ANGEL2: variants seen among roughly 807,000 people sequenced by gnomAD.
ANGEL2 encodes the protein angel homolog 2, also known as RNA 2',3'-cyclic phosphatase ANGEL2.
In ANGEL2, 41 loss-of-function variants were observed where a neutral mutation model predicts 66.0. The ratio of observed to expected loss-of-function variants is 0.62; its 90% CI spans 0.48 to 0.81. The LOEUF (loss-of-function observed/expected upper bound fraction) is 0.81. Among genes scored for constraint, ANGEL2 ranks in the 30% least tolerant of loss-of-function variants. ANGEL2 has a pLI of 0.00. For missense variants in ANGEL2, 561 were observed against 641.6 expected (o/e 0.87, Z 1.36); for synonymous variants, 208 against 226.5 (o/e 0.92, Z 0.73).
intron 2 of ANGEL2, among the ~76,000 whole-genome samples, chr1:213,009,467 T>C (rs1016262952): frequency 1.1e-4 from 16 of 152,246 alleles, no homozygotes; most frequent in African/African-American, 3.9e-4. Flanking sequence ...GATTAAATTA[T>C]ATAAAAAATT....
chr1:213,010,342 C>G (rs992991483), intron 2 of ANGEL2, among the ~76,000 whole-genome samples: 1 of 152,046 alleles, frequency 6.6e-6, no homozygotes, highest in African/African-American at 2.4e-5. Flanking sequence ...GAGGCCAAGG[C>G]GGGTGGATCA....
intron 5 of ANGEL2, among the ~76,000 whole-genome samples, chr1:213,004,571 A>G (rs1248431046): frequency 2.6e-5 from 4 of 152,022 alleles, no homozygotes; most frequent in Non-Finnish European, 5.9e-5. Context: ...AAGTGAAAAT[A>G]ATTACTTACT....
At chr1:213,000,500 T>G in intron 6 of ANGEL2, 117 bp from the exon 7 acceptor site, 2 of 914,244 alleles carry the variant, frequency 2.2e-6, no homozygotes, top group South Asian at 3.5e-5. Context: ...CCTAGTTACA[T>G]GTTTCATTCT....
intron 2 of ANGEL2, among the ~76,000 whole-genome samples, chr1:213,009,651 C>A (rs946995194): frequency 4.6e-5 from 7 of 152,198 alleles, no homozygotes; most frequent in African/African-American, 1.7e-4. Context: ...GAGTAGTTAT[C>A]TCTGAGTGTT....
At position 212,994,808 on chromosome 1, in the gene ANGEL2, A is replaced by T. The variant is rs1472278807; in HGVS notation, c.*233T>A. On this transcript the variant is annotated 3_prime_UTR_variant, in exon 9 of 9. Coordinates refer to ENST00000366962, the MANE Select transcript of ANGEL2 (RefSeq NM_144567.5). ...AGGATTTAGAATATAAAACCTTTAC[A>T]TCTCTTTTACAATAAAGAGAATTTA... 1 of 304,464 alleles carries T rather than the reference A, an allele frequency of 3.3e-6. No individual in the cohort carries two copies. Among genetic ancestry groups the T allele is most frequent in the Admixed American group, 4.9e-5 (1 of 20,262 alleles). 18.9% of individuals were successfully genotyped at this position (304,464 alleles called of 1,614,324 possible). A position where few individuals can be genotyped will look rare whatever the true frequency, so the allele number is the denominator to read the frequency against.
At chr1:213,007,715 C>T (rs1298232780) in intron 3 of ANGEL2, among the ~76,000 whole-genome samples, 2 of 152,220 alleles carry the variant, frequency 1.3e-5, no homozygotes, top group Non-Finnish European at 1.5e-5. Context: ...CAACCACTAA[C>T]AAATGCCTCT....
At chr1:213,013,509 G>T in intron 1 of ANGEL2, 91 bp from the exon 2 acceptor site, 2 of 1,198,314 alleles carry the variant, frequency 1.7e-6, no homozygotes, top group South Asian at 1.5e-5. Context: ...GGAAGGTAAT[G>T]TCTAATATTT....
intron 8 of ANGEL2, 49 bp downstream of exon 8, chr1:212,997,106 T>C: frequency 6.6e-7 from 1 of 1,511,944 alleles, no homozygotes; most frequent in East Asian, 2.3e-5. Context: ...CCTTGAGGTT[T>C]TAGCTACTGT....
At chr1:213,015,547 A>ACGCC (rs1429358742) in intron 1 of ANGEL2, 66 bp downstream of exon 1, 7 of 996,594 alleles carry the variant, frequency 7.0e-6, no homozygotes, top group Non-Finnish European at 8.8e-6. Context: ...TTAGTCCCGG[A>ACGCC]CGCCCGCCCG....
intron 2 of ANGEL2, chr1:213,011,177 A>G: frequency 1.6e-6 from 2 of 1,288,350 alleles, no homozygotes; most frequent in Non-Finnish European, 2.0e-6. Context: ...ATGCTTCACA[A>G]CATAAATTCA....
At chr1:212,996,640 A>AAAAAAAATATATAT (rs56102625) in intron 8 of ANGEL2, among the ~76,000 whole-genome samples, 6 of 66,470 alleles carry the variant, frequency 9.0e-5, no homozygotes, top group Non-Finnish European at 1.2e-4. Flanking sequence ...AAAAAAAAAA[A>AAAAAAAATATATAT]ATATATATAT....
intron 1 of ANGEL2, 66 bp downstream of exon 1, chr1:213,015,547 A>T: frequency 1.0e-6 from 1 of 996,626 alleles, no homozygotes; most frequent in Non-Finnish European, 1.3e-6. Context: ...TTAGTCCCGG[A>T]CGCCCGCCCG....
In ANGEL2 at chr1:212,997,358, G is replaced by T. The variant is rs1558168870; in HGVS notation, c.1320-40C>A. On this transcript the variant is annotated intron_variant, in intron 7 of 8. Coordinates refer to ENST00000366962, the MANE Select transcript of ANGEL2 (RefSeq NM_144567.5). Reference sequence around the variant, plus strand: ...AGAAGTGTTTAGAATCCGAGTTTTTGTAACTTCAAGAATTCCTCCTATCTG... The same window carrying T: ...AGAAGTGTTTAGAATCCGAGTTTTTTTAACTTCAAGAATTCCTCCTATCTG... 1.3e-6 allele frequency: 2 copies of T among 1,544,950 alleles called. 1 individual carries two copies. The highest frequency in any genetic ancestry group is 2.3e-5 in the South Asian group (2 of 85,722).
At chr1:213,013,554 G>A in intron 1 of ANGEL2, 136 bp from the exon 2 acceptor site, 1 of 796,724 alleles carries the variant, frequency 1.3e-6, no homozygotes, top group Non-Finnish European at 2.0e-6. Flanking sequence ...AGGATGAAGA[G>A]GAAAGCACCC....
chr1:212,999,260 C>T (rs1475066621), intron 7 of ANGEL2, among the ~76,000 whole-genome samples: 5 of 152,216 alleles, frequency 3.3e-5, no homozygotes, highest in African/African-American at 7.2e-5. Context: ...GCAATCCTCC[C>T]GCCCTGGCCT....
At position 213,008,195 on chromosome 1, in the gene ANGEL2, A is replaced by G; in HGVS notation, c.642+15T>C. 6.2e-7 allele frequency: 1 copy of G among 1,603,904 alleles called. No individual in the cohort carries two copies. Among genetic ancestry groups the G allele is most frequent in the Non-Finnish European group, 8.5e-7 (1 of 1,174,104 alleles). On this transcript the variant is annotated intron_variant, in intron 3 of 8. Transcript: ENST00000366962. Reference sequence around the variant, plus strand: ...TTTTCTTATGTGAAGAATTTCAATAATATTTTGCACTTACGTCTGCATCAA... The same window carrying G: ...TTTTCTTATGTGAAGAATTTCAATAGTATTTTGCACTTACGTCTGCATCAA...
chr1:213,004,865 CAAAAAA>C (rs60445711), intron 5 of ANGEL2, among the ~76,000 whole-genome samples, 162 bp downstream of exon 5: 1 of 35,270 alleles, frequency 2.8e-5, no homozygotes, highest in Non-Finnish European at 4.9e-5. Flanking sequence ...GAGACTGTCT[CAAAAAA>C]AAAAAAAAAA....
intron 2 of ANGEL2, chr1:213,011,265 A>G: frequency 7.8e-7 from 1 of 1,289,002 alleles, no homozygotes; most frequent in Non-Finnish European, 1.0e-6. Flanking sequence ...AATCAAAGAA[A>G]GTAAGCAATA....
rs908910938 is a variant in ANGEL2 at position 213,015,842 on chromosome 1, A to G, written c.-171T>C. The G allele has an allele frequency of 1.8e-5, 14 of 761,608 alleles. No individual in the cohort carries two copies. Among genetic ancestry groups the G allele is most frequent in the Non-Finnish European group, 2.7e-5 (13 of 474,706 alleles). The allele number at this position is 761,608 out of a possible 1,614,324, so 47.2% of individuals were successfully genotyped here. ...AGTCTCGCCGGCCGGCCTACACTCC[A>G]TCTTGCGCAGTCAGAGTCCCTGAAT... On this transcript the variant is annotated 5_prime_UTR_variant, in exon 1 of 9. The change abolishes an upstream ATG in the 5' untranslated region. Transcript: ENST00000366962.
Sources: allele counts gnomAD v4.1 joint callset (sites outside exome capture counted in the v4.1 genomes callset), GRCh38; gene constraint gnomAD v4.1.1; transcripts MANE v1.5; gene names NCBI Gene and HGNC (gene_info 2026-07-23, HGNC 2026-07-21).